Variants in CNTN5 observed in about 807,000 individuals in gnomAD.
The protein encoded by CNTN5 is contactin-5.
Under a neutral mutation model 129.1 loss-of-function variants are expected in CNTN5, and 77 were observed. The observed-to-expected ratio is 0.60, with a 90% CI of 0.50 to 0.72. The LOEUF is 0.72. CNTN5 is among the 30% of genes least tolerant of loss of function. The pLI, the probability that CNTN5 is intolerant of heterozygous loss-of-function variation, is 0.00. For missense variants in CNTN5, 1,478 were observed against 1,328.8 expected (o/e 1.11, Z -1.75); for synonymous variants, 509 against 465.6 (o/e 1.09, Z -1.20).
chr11:99,710,250 G>A (rs1002338937), intron 3 of CNTN5, among the ~76,000 whole-genome samples: 3 of 151,654 alleles, frequency 2.0e-5, no homozygotes, highest in South Asian at 2.1e-4. Flanking sequence ...TTTACCCTGC[G>A]TCAAGAATCC....
At chr11:99,445,128 A>C (rs1944009222) in intron 2 of CNTN5, among the ~76,000 whole-genome samples, 1 of 148,928 alleles carries the variant, frequency 6.7e-6, no homozygotes, top group South Asian at 2.1e-4. Flanking sequence ...GCATGTGTAT[A>C]AGTGTCCCTA....
At chr11:100,134,384 G>A (rs905914026) in intron 13 of CNTN5, among the ~76,000 whole-genome samples, 1 of 151,970 alleles carries the variant, frequency 6.6e-6, no homozygotes, top group Non-Finnish European at 1.5e-5. Flanking sequence ...TATTTCCTTG[G>A]GCAAATTCAC....
intron 6 of CNTN5, among the ~76,000 whole-genome samples, chr11:99,887,964 T>C (rs74657637): frequency 0.063 from 9,533 of 152,180 alleles, 593 homozygotes; most frequent in East Asian, 0.28. Context: ...GGAACAATAC[T>C]TTGCATCCTT....
intron 2 of CNTN5, among the ~76,000 whole-genome samples, chr11:99,342,571 C>CAAAAAAAAAAAAAAAAAAAAA (rs58710723): frequency 1.2e-4 from 3 of 24,492 alleles, no homozygotes; most frequent in South Asian, 3.2e-3. Context: ...CCCGTTATCT[C>CAAAAAAAAAAAAAAAAAAAAA]AAAAAAAAAA....
At chr11:99,339,565 G>A (rs1866413241) in intron 2 of CNTN5, among the ~76,000 whole-genome samples, 1 of 152,052 alleles carries the variant, frequency 6.6e-6, no homozygotes, top group Non-Finnish European at 1.5e-5. Flanking sequence ...GGATCACGAA[G>A]TCAGGAGATC....
chr11:100,070,368 T>C, intron 10 of CNTN5, 56 bp from the exon 11 acceptor site: 1 of 1,528,090 alleles, frequency 6.5e-7, no homozygotes, highest in Non-Finnish European at 8.9e-7. Flanking sequence ...AATTTTAAAC[T>C]TGGTAAAGCG....
At chr11:99,995,965 C>A (rs1220903883) in intron 8 of CNTN5, among the ~76,000 whole-genome samples, 2 of 152,184 alleles carry the variant, frequency 1.3e-5, no homozygotes, top group Non-Finnish European at 2.9e-5. Flanking sequence ...GTCATTCTCT[C>A]ATTTTTACTG....
intron 1 of CNTN5, among the ~76,000 whole-genome samples, chr11:99,179,238 T>C (rs895586110): frequency 6.6e-6 from 1 of 152,074 alleles, no homozygotes; most frequent in Non-Finnish European, 1.5e-5. Context: ...GGTCAGGACT[T>C]TCAGACCAGC....
At chr11:99,610,056 G>A (rs538021390) in intron 3 of CNTN5, among the ~76,000 whole-genome samples, 3 of 152,154 alleles carry the variant, frequency 2.0e-5, no homozygotes, top group Non-Finnish European at 4.4e-5. Context: ...CGAGATTCAG[G>A]TACTTGTTCA....
intron 13 of CNTN5, among the ~76,000 whole-genome samples, chr11:100,146,719 C>T (rs539769198): frequency 5.3e-5 from 8 of 152,082 alleles, no homozygotes; most frequent in Non-Finnish European, 7.4e-5. Context: ...GCATTTTATA[C>T]ACAAGATAAA....
chr11:99,300,486 A>T (rs1864588840), intron 1 of CNTN5, among the ~76,000 whole-genome samples: 1 of 151,898 alleles, frequency 6.6e-6, no homozygotes, highest in African/African-American at 2.4e-5. Flanking sequence ...ATGGTGTATT[A>T]TTTGTTTGAT....
intron 13 of CNTN5, among the ~76,000 whole-genome samples, chr11:100,084,391 G>T (rs1944471470): frequency 6.6e-6 from 1 of 152,010 alleles, no homozygotes; most frequent in South Asian, 2.1e-4. Flanking sequence ...AGATTCTGAG[G>T]CTGCTTAGAA....
At chr11:99,823,924 A>G (rs1228866892) in intron 4 of CNTN5, among the ~76,000 whole-genome samples, 2 of 152,048 alleles carry the variant, frequency 1.3e-5, no homozygotes, top group Non-Finnish European at 1.5e-5. Flanking sequence ...GATACTGTGT[A>G]TATCAGTCAT....
chr11:99,971,866 T>C (rs886818450), intron 8 of CNTN5, among the ~76,000 whole-genome samples: 3 of 151,180 alleles, frequency 2.0e-5, no homozygotes, highest in Admixed American at 2.0e-4. Context: ...ATTTTAAAAG[T>C]CTGCATAAAT....
chr11:99,663,877 A>G (rs1240652405), intron 3 of CNTN5, among the ~76,000 whole-genome samples: 3 of 152,196 alleles, frequency 2.0e-5, no homozygotes, highest in East Asian at 3.9e-4. Context: ...AGAAGGGACA[A>G]TGATACATTT....
At position 99,373,314 on chromosome 11, in the gene CNTN5, TGAAG is replaced by T. The variant is rs1939944850; in HGVS notation, c.-71+47832_-71+47835del. ...AGCAGAAGATAAGAGAAGAAAATAA[TGAAG>T]GGTCAATAGAGAATAAGAGTAGGTG... On this transcript the variant is annotated intron_variant, in intron 2 of 24. Transcript: ENST00000524871. 2.6e-5 allele frequency among the ~76,000 whole-genome samples: 4 copies of T among 152,192 alleles called. No individual in the cohort carries two copies. The South Asian group carries it at 8.3e-4, about 32-fold the overall frequency.
At chr11:100,049,013 C>T (rs1343087746) in intron 9 of CNTN5, among the ~76,000 whole-genome samples, 1 of 151,940 alleles carries the variant, frequency 6.6e-6, no homozygotes, top group African/African-American at 2.4e-5. Flanking sequence ...AAAATAAAGA[C>T]ATTTTTAGCT....
intron 1 of CNTN5, among the ~76,000 whole-genome samples, chr11:99,021,955 A>G (rs1370890404): frequency 3.3e-5 from 5 of 152,218 alleles, no homozygotes; most frequent in Non-Finnish European, 7.3e-5. Flanking sequence ...GACCTGAACA[A>G]TAAGTTGTTT....
intron 2 of CNTN5, among the ~76,000 whole-genome samples, chr11:99,510,966 G>C (rs1946812526): frequency 6.6e-6 from 1 of 152,016 alleles, no homozygotes; most frequent in South Asian, 2.1e-4. Context: ...CCTTTCAGTG[G>C]AACAAGATGT....
Sources: gnomAD v4.1 joint callset for allele counts (sites outside exome capture counted in the v4.1 genomes callset) on GRCh38, gnomAD v4.1.1 for gene constraint, MANE v1.5 for transcripts, NCBI Gene and HGNC (gene_info 2026-07-23, HGNC 2026-07-21) for gene names.